Variants in FAT2 observed in about 807,000 individuals in gnomAD.
The protein encoded by FAT2 is protocadherin Fat 2.
Under a neutral mutation model 295.3 loss-of-function variants are expected in FAT2, and 150 were observed. The ratio of observed to expected loss-of-function variants is 0.51; its 90% CI spans 0.44 to 0.58. The LOEUF is 0.58. Ranked by LOEUF, FAT2 falls within the 20% of genes least tolerant of loss-of-function variation. The pLI is 0.00. For synonymous variants in FAT2, 2,026 were observed against 2,150.3 expected (o/e 0.94, Z 1.60); for missense variants, 4,868 against 5,442.7 (o/e 0.89, Z 3.32).
rs1397235181 is a variant in FAT2 at position 151,591,171 on chromosome 5, C to T, written c.-27G>A. Among the ~76,000 whole-genome samples the T allele has an allele frequency of 6.6e-6, 1 of 152,244 alleles. No individual in the cohort carries two copies. The highest frequency in any genetic ancestry group is 1.5e-5 in the Non-Finnish European group (1 of 68,044). ...ATCCTCCAGCAATTCTTACCTGTGC[C>T]CTTCAGGTAGGGGAGGGTGCCCCAG... is the stretch of plus-strand genomic sequence containing the variant. On this transcript the variant is annotated 5_prime_UTR_variant, in exon 1 of 24. Coordinates refer to ENST00000261800, the MANE Select transcript of FAT2 (RefSeq NM_001447.3).
At chr5:151,593,177 C>G (rs927617769), upstream of FAT2, among the ~76,000 whole-genome samples, 1 of 152,252 alleles carries the variant, frequency 6.6e-6, no homozygotes, top group Non-Finnish European at 1.5e-5. Flanking sequence ...GAGCAATTAT[C>G]CACTTGGCTG....
rs758351608 is a variant in FAT2 at position 151,505,771 on chromosome 5, G to A, written c.12844C>T (p.Arg4282Trp). 98 of 1,613,820 alleles carry A rather than the reference G, an allele frequency of 6.1e-5. No homozygotes were observed. Among genetic ancestry groups the A allele is most frequent in the East Asian group, 1.3e-4 (6 of 44,860 alleles). The change falls in exon 24 of 24, where the codon CGG (arginine) becomes TGG (tryptophan). Residue 4282 changes from arginine to tryptophan, a missense_variant. By Grantham distance (101) the Arg-to-Trp change is moderately radical. Transcript: ENST00000261800. ...TAISYYHSQF[R>W]QGGGGPCLAD... Reference sequence around the variant, plus strand: ...AGGCAGGGCCCTCCCCCTCCCTGCCGGAACTGCGAGTGGTAGTAGCTGATG... The same window carrying A: ...AGGCAGGGCCCTCCCCCTCCCTGCCAGAACTGCGAGTGGTAGTAGCTGATG...
intron 1 of FAT2, among the ~76,000 whole-genome samples, chr5:151,570,397 A>C (rs1374247538): frequency 6.6e-6 from 1 of 152,260 alleles, no homozygotes; most frequent in Non-Finnish European, 1.5e-5. Flanking sequence ...ATAGAGCCCC[A>C]GAGTCGAGAT....
chr5:151,579,381 A>C (rs1404420293), intron 1 of FAT2, among the ~76,000 whole-genome samples: 1 of 152,124 alleles, frequency 6.6e-6, no homozygotes, highest in African/African-American at 2.4e-5. Context: ...AGACCAGCTT[A>C]GGCAACATAT....
At chr5:151,553,129 T>C in intron 6 of FAT2, 48 bp downstream of exon 6, 3 of 1,574,658 alleles carry the variant, frequency 1.9e-6, no homozygotes, top group Non-Finnish European at 2.6e-6. Flanking sequence ...AGCTGGTGTA[T>C]AAGGATGGGA....
intron 18 of FAT2, 83 bp downstream of exon 18, chr5:151,525,685 T>G: frequency 2.0e-6 from 3 of 1,499,018 alleles, no homozygotes; most frequent in East Asian, 4.5e-5. Context: ...ATTTTTTCCC[T>G]AATGACAGAA....
chr5:151,533,393 A>AACACACACACACAC (rs36215342), intron 13 of FAT2, among the ~76,000 whole-genome samples: 2 of 132,114 alleles, frequency 1.5e-5, no homozygotes, highest in African/African-American at 5.5e-5. Context: ...TGTTATCTCC[A>AACACACACACACAC]ACACACACAC....
chr5:151,544,722 AGCTT>A lies in FAT2; in HGVS notation c.6401_6404del (p.Gln2134LeufsTer2). 6.2e-7 allele frequency: 1 copy of A among 1,614,204 alleles called. No homozygotes were observed. The highest frequency in any genetic ancestry group is 8.5e-7 in the Non-Finnish European group (1 of 1,180,026). On this transcript the variant is annotated frameshift_variant, in exon 10 of 24. Coordinates refer to ENST00000261800, the MANE Select transcript of FAT2 (RefSeq NM_001447.3). LOFTEE classifies it high-confidence loss of function. ...TGACTTTGAGGTGATATTTATTTAA[AGCTT>A]GATAATCAAAGGGTTTCTTGAGTGA...
In FAT2 at chr5:151,507,273, G is replaced by T; in HGVS notation, c.12398C>A (p.Pro4133His). The T allele has an allele frequency of 6.2e-7, 1 of 1,614,158 alleles. No individual in the cohort carries two copies. Among genetic ancestry groups the T allele is most frequent in the East Asian group, 2.2e-5 (1 of 44,876 alleles). ...GACCACTGGCCGTTGCTTAGAATTG[G>T]GTCCAAATGTGACGAGTTCATTTGG... ...SVPNELVTFG[P>H]NSKQRPVVCS... Residue 4133 changes from proline to histidine, a missense_variant, in exon 23 of 24, where the codon CCC (proline) becomes CAC (histidine). Physicochemically the swap from Pro to His is moderately conservative, Grantham distance 77 (BLOSUM62 -2). Around this residue, in one of 5 missense-constraint regions of FAT2, gnomAD observed 492 missense variants for 482.6 expected, o/e 1.02. Transcript: ENST00000261800.
At chr5:151,537,666 G>A in intron 12 of FAT2, 127 bp downstream of exon 12, 1 of 893,410 alleles carries the variant, frequency 1.1e-6, no homozygotes, top group Non-Finnish European at 1.7e-6. Context: ...TGGCACATAG[G>A]GCCAATATAT....
rs570876522 is a variant in FAT2 at position 151,505,656 on chromosome 5, G to A, written c.12959C>T (p.Ala4320Val). The change falls in exon 24 of 24, where the codon GCA becomes GTA. Residue 4320 changes from alanine (A) to valine (V), a missense_variant. Around this residue, in one of 5 missense-constraint regions of FAT2, gnomAD observed 492 missense variants for 482.6 expected, o/e 1.02. Coordinates refer to ENST00000261800, the MANE Select transcript of FAT2 (RefSeq NM_001447.3). Reference sequence around the variant, plus strand: ...GGGCACCCGGGGCTGGCCCTGGCCTGCAAGAGGTGCCCCCTCCACCTCACA... The same window carrying A: ...GGGCACCCGGGGCTGGCCCTGGCCTACAAGAGGTGCCCCCTCCACCTCACA... ...AVCEVEGAPL[A>V]GQGQPRVPPN... 1.6e-5 allele frequency: 26 copies of A among 1,614,104 alleles called. No individual in the cohort carries two copies. In the East Asian group the frequency reaches 4.0e-4, roughly 25 times the overall value.
intron 3 of FAT2, among the ~76,000 whole-genome samples, chr5:151,559,512 C>T (rs2127638339): frequency 6.6e-6 from 1 of 152,102 alleles, no homozygotes; most frequent in East Asian, 1.9e-4. Context: ...GGCTCCATCC[C>T]TTCCTTTCCT....
intron 1 of FAT2, among the ~76,000 whole-genome samples, chr5:151,580,637 CTT>C (rs1315802054): frequency 5.3e-5 from 8 of 152,202 alleles, no homozygotes; most frequent in African/African-American, 1.7e-4. Context: ...TTCCTTCTCT[CTT>C]TGCAGTGATT....
chr5:151,536,353 C>T (rs756940906), intron 12 of FAT2, among the ~76,000 whole-genome samples: 1 of 152,132 alleles, frequency 6.6e-6, no homozygotes, highest in Non-Finnish European at 1.5e-5. Context: ...ACAGCATTGT[C>T]CCCTATCTAC....
At chr5:151,594,647 C>G (rs1315999900), upstream of FAT2, among the ~76,000 whole-genome samples, 1 of 152,136 alleles carries the variant, frequency 6.6e-6, no homozygotes, top group Admixed American at 6.5e-5. Context: ...CCCTATTTGC[C>G]TGGGGAAAGC....
At chr5:151,551,859 G>A (rs1757241686) in intron 6 of FAT2, among the ~76,000 whole-genome samples, 1 of 152,000 alleles carries the variant, frequency 6.6e-6, no homozygotes. Context: ...GAATCCAAAT[G>A]TAACAACATA....
chr5:151,516,452 G>T (rs1231699404), intron 20 of FAT2, among the ~76,000 whole-genome samples: 1 of 152,126 alleles, frequency 6.6e-6, no homozygotes, highest in African/African-American at 2.4e-5. Flanking sequence ...GGAGGCAGAG[G>T]TTGCAGTGAG....
chr5:151,551,392 C>T, intron 7 of FAT2, 75 bp downstream of exon 7: 1 of 1,512,020 alleles, frequency 6.6e-7, no homozygotes, highest in Non-Finnish European at 9.0e-7. Context: ...CACAGAAAAC[C>T]TCTGTAGCCT....
upstream of FAT2, among the ~76,000 whole-genome samples, chr5:151,591,426 G>A (rs1237116319): frequency 6.6e-6 from 1 of 152,198 alleles, no homozygotes; most frequent in Non-Finnish European, 1.5e-5. Flanking sequence ...GAGAGGGAGG[G>A]AGGAAGCCAA....
Sources: gnomAD v4.1 joint callset for allele counts (sites outside exome capture counted in the v4.1 genomes callset) on GRCh38, gnomAD v4.1.1 for gene constraint, gnomAD v4.1.1 regional missense constraint, MANE v1.5 for transcripts, NCBI Gene and HGNC (gene_info 2026-07-23, HGNC 2026-07-21) for gene names.